CFAP92: variants seen among roughly 807,000 people sequenced by gnomAD.
The protein encoded by CFAP92 is uncharacterized protein CFAP92.
CFAP92 carries 86 observed loss-of-function variants against 106.3 expected under a neutral mutation model. The ratio of observed to expected loss-of-function variants is 0.81; its 90% CI spans 0.68 to 0.97. The LOEUF (loss-of-function observed/expected upper bound fraction) is 0.97. Among genes scored for constraint, CFAP92 ranks in the 50% least tolerant of loss-of-function variants. The probability of loss-of-function intolerance (pLI) is 0.00; values close to 1 mark genes in which losing one functional copy is unlikely to be tolerated. For missense variants in CFAP92, 1,204 were observed against 1,283.8 expected, an observed-to-expected ratio of 0.94 and a Z score of 0.95; for synonymous variants, 477 against 506.4, an observed-to-expected ratio of 0.94 and a Z score of 0.78.
intron 15 of CFAP92, chr3:128,910,602 C>T: frequency 1.1e-6 from 1 of 948,920 alleles, no homozygotes; most frequent in South Asian, 1.3e-5. Context: ...GGAATTAGAA[C>T]CCAAGACGGG....
chr3:128,981,862 G>A (rs1411427269), intron 4 of CFAP92, among the ~76,000 whole-genome samples: 1 of 152,204 alleles, frequency 6.6e-6, no homozygotes, highest in African/African-American at 2.4e-5. Context: ...TATTAGAAAG[G>A]AGTCTTTTTC....
Position 128,912,579 on chromosome 3 carries a change from G to A in CFAP92, c.3281-2246C>T, listed in dbSNP as rs763539517. 5 of 1,614,084 alleles carry A rather than the reference G, an allele frequency of 3.1e-6. No individual in the cohort carries two copies. In the Admixed American group the frequency reaches 6.7e-5, roughly 22 times the overall value. On this transcript the variant is annotated intron_variant, in intron 15 of 15. Transcript: ENST00000645291. ...ATCCTTGAGAAGCGAGCCTATATCTGTGCCCACCCTCTGGACAGGACATGC... is the reference window on the plus strand; with the variant it reads ...ATCCTTGAGAAGCGAGCCTATATCTATGCCCACCCTCTGGACAGGACATGC...
intron 15 of CFAP92, among the ~76,000 whole-genome samples, chr3:128,913,917 C>A (rs1029455147): frequency 6.6e-6 from 1 of 152,064 alleles, no homozygotes; most frequent in Non-Finnish European, 1.5e-5. Context: ...AGACCCACCC[C>A]CCTTCTGTGC....
intron 8 of CFAP92, 45 bp from the exon 9 acceptor site, chr3:128,965,740 C>T (rs777858440): frequency 1.5e-5 from 6 of 398,064 alleles, no homozygotes; most frequent in Non-Finnish European, 2.7e-5. Context: ...CCCGACACCC[C>T]CAAGACACGC....
the CFAP92 span, among the ~76,000 whole-genome samples, chr3:129,018,738 C>G: frequency 2.6e-5 from 4 of 152,220 alleles, no homozygotes; most frequent in East Asian, 7.7e-4. Context: ...GCCCTTCAGG[C>G]AGTCCCTCCC....
At chr3:129,022,625 C>A in the CFAP92 span, among the ~76,000 whole-genome samples, 1 of 152,156 alleles carries the variant, frequency 6.6e-6, no homozygotes, top group African/African-American at 2.4e-5. Flanking sequence ...CACCCAACCG[C>A]ACACAAGGAC....
intron 12 of CFAP92, among the ~76,000 whole-genome samples, chr3:128,926,085 G>C (rs959657303): frequency 1.3e-5 from 2 of 152,136 alleles, no homozygotes; most frequent in Non-Finnish European, 2.9e-5. Context: ...CTGTCAATTA[G>C]AAAAATACAA....
the CFAP92 span, among the ~76,000 whole-genome samples, chr3:129,024,300 G>A: frequency 1.3e-5 from 2 of 152,222 alleles, no homozygotes; most frequent in African/African-American, 4.8e-5. Flanking sequence ...GGAAAGCCGA[G>A]TCAGGCAGAT....
rs1005028599 is a variant in CFAP92, at chr3:128,945,861, G to A, written c.1468C>T (p.Leu490Phe). 17 of 1,488,640 alleles carry A rather than the reference G, an allele frequency of 1.1e-5. No homozygotes were observed. Among genetic ancestry groups the A allele is most frequent in the Non-Finnish European group, 1.4e-5 (16 of 1,127,198 alleles). The allele number at this position is 1,488,640 out of a possible 1,614,324, so 92.2% of individuals were successfully genotyped here. A position where few individuals can be genotyped will look rare whatever the true frequency, so the allele number is the denominator to read the frequency against. The change falls in exon 10 of 16, where the codon CTT becomes TTT. Residue 490 changes from leucine to phenylalanine, a missense_variant. Physicochemically the swap from Leu to Phe is conservative, Grantham distance 22. Transcript: ENST00000645291. ...VYFQDINVIF[L>F]GALHPSDLRE... is the part of the protein sequence containing the mutation. ...AGGTCACTGGGGTGCAGTGCCCCAA[G>A]GAAGATGACGTTGATGTCCTGGAAA...
At chr3:128,911,269 G>A (rs994954662) in intron 15 of CFAP92, among the ~76,000 whole-genome samples, 1 of 152,102 alleles carries the variant, frequency 6.6e-6, no homozygotes, top group African/African-American at 2.4e-5. Flanking sequence ...TGTTAGCCAG[G>A]CTGGTCTCCA....
At position 128,916,500 on chromosome 3, in the gene CFAP92, G is replaced by T. The variant is rs1456639066; in HGVS notation, c.2752-229C>A. Among the ~76,000 whole-genome samples the T allele has an allele frequency of 3.7e-4, 57 of 152,248 alleles. 1 individual carries two copies. Among genetic ancestry groups the T allele is most frequent in the Admixed American group, 3.7e-3 (57 of 15,308 alleles). On this transcript the variant is annotated intron_variant, in intron 12 of 15. Coordinates refer to ENST00000645291, the MANE Select transcript of CFAP92 (RefSeq NM_001394090.1). ...GGACCAAAAAATTGAGACCCCTAAG[G>T]TCACTGTAACTGGAACACACATCAT...
At chr3:129,000,825 C>T (rs560187878) in intron 1 of CFAP92, among the ~76,000 whole-genome samples, 2 of 152,322 alleles carry the variant, frequency 1.3e-5, no homozygotes, top group East Asian at 1.9e-4. Flanking sequence ...CCTATCCCCA[C>T]CCCCAACAGG....
the CFAP92 span, among the ~76,000 whole-genome samples, chr3:129,008,454 T>C: frequency 6.6e-6 from 1 of 152,238 alleles, no homozygotes; most frequent in Admixed American, 6.5e-5. Flanking sequence ...AACATATTTG[T>C]AGATGGAAGA....
At chr3:128,957,819 A>G (rs1280908347) in intron 9 of CFAP92, among the ~76,000 whole-genome samples, 5 of 106,226 alleles carry the variant, frequency 4.7e-5, no homozygotes, top group African/African-American at 2.1e-4. Flanking sequence ...GTTTCCTACG[A>G]AGCGCCATAA....
intron 7 of CFAP92, among the ~76,000 whole-genome samples, chr3:128,973,672 AAAAG>A (rs1011616960): frequency 6.6e-6 from 1 of 152,012 alleles, no homozygotes; most frequent in Non-Finnish European, 1.5e-5. Flanking sequence ...AAAAAAAAAA[AAAAG>A]AGAGAGATGC....
intron 8 of CFAP92, chr3:128,967,706 A>AT (rs1234177312): frequency 6.6e-6 from 1 of 151,994 alleles, no homozygotes; most frequent in Non-Finnish European, 1.5e-5. Context: ...CCGTCTCAAA[A>AT]AAAAAAAAAA....
At chr3:129,018,829 C>T in the CFAP92 span, among the ~76,000 whole-genome samples, 1 of 152,180 alleles carries the variant, frequency 6.6e-6, no homozygotes, top group South Asian at 2.1e-4. Flanking sequence ...CCATTGGCGG[C>T]GTTGTGGCAC....
rs745995432 is a variant in CFAP92 at position 128,988,837 on chromosome 3, C to A, written c.344G>T (p.Arg115Leu). ...AAGGAAATACTCAATGTGGTAAAAACGACGCATCTTTGTAACAGAACTGTC... is the reference window on the plus strand; with the variant it reads ...AAGGAAATACTCAATGTGGTAAAAAAGACGCATCTTTGTAACAGAACTGTC... ...KTDSSVTKMR[R>L]FYHIEYFLLP... The change falls in exon 3 of 16, where the codon CGT becomes CTT. Residue 115 changes from arginine to leucine, a missense_variant. Coordinates refer to ENST00000645291, the MANE Select transcript of CFAP92 (RefSeq NM_001394090.1). The A allele has an allele frequency of 6.2e-7, 1 of 1,613,700 alleles. No homozygotes were observed. Among genetic ancestry groups the A allele is most frequent in the African/African-American group, 1.3e-5 (1 of 74,912 alleles).
chr3:129,013,169 AAG>A, the CFAP92 span, among the ~76,000 whole-genome samples: 103 of 152,294 alleles, frequency 6.8e-4, no homozygotes, highest in Middle Eastern at 0.01. Flanking sequence ...TGGAGGACAC[AAG>A]GGGGTGGGCA....
Sources: allele counts gnomAD v4.1 joint callset (sites outside exome capture counted in the v4.1 genomes callset), GRCh38; gene constraint gnomAD v4.1.1; transcripts MANE v1.5; gene names NCBI Gene and HGNC (gene_info 2026-07-23, HGNC 2026-07-21).